The following POU2AF2 variants were observed in gnomAD, a reference collection of about 807,000 sequenced individuals.
The protein encoded by POU2AF2 is POU class 2 homeobox associating factor 2.
At chr11:111,285,840 C>A in the POU2AF2 span, 2 of 1,609,774 alleles carry the variant, frequency 1.2e-6, no homozygotes, top group Non-Finnish European at 1.7e-6. Context: ...TCGCTGCATG[C>A]TCTGGAAGAT....
chr11:111,284,284 G>C, the POU2AF2 span: 1 of 1,613,774 alleles, frequency 6.2e-7, no homozygotes. Flanking sequence ...GGCCTCCGGC[G>C]CTGACGCCCA....
At chr11:111,260,975 C>T in the POU2AF2 span, among the ~76,000 whole-genome samples, 1 of 152,186 alleles carries the variant, frequency 6.6e-6, no homozygotes, top group East Asian at 1.9e-4. Context: ...CCCTCATGAA[C>T]ATCTGTTTTT....
the POU2AF2 span, chr11:111,286,042 C>T: frequency 6.2e-7 from 1 of 1,611,382 alleles, no homozygotes; most frequent in South Asian, 1.1e-5. Context: ...ATGAATGCCG[C>T]AGAGCTTATT....
chr11:111,252,376 G>A, the POU2AF2 span, among the ~76,000 whole-genome samples: 1 of 152,122 alleles, frequency 6.6e-6, no homozygotes, highest in African/African-American at 2.4e-5. Context: ...TTTGGAGTAG[G>A]GTCGGCGAAT....
At chr11:111,247,877 C>CTT in the POU2AF2 span, among the ~76,000 whole-genome samples, 1 of 111,462 alleles carries the variant, frequency 9.0e-6, no homozygotes, top group African/African-American at 3.4e-5. Flanking sequence ...CTATAAGTGG[C>CTT]CTTTTTTTTT....
chr11:111,273,829 G>C, the POU2AF2 span, among the ~76,000 whole-genome samples: 1 of 152,190 alleles, frequency 6.6e-6, no homozygotes, highest in South Asian at 2.1e-4. Flanking sequence ...GCAGCTGTGA[G>C]CCTGCCGTGT....
At chr11:111,261,410 T>C in the POU2AF2 span, among the ~76,000 whole-genome samples, 1 of 152,228 alleles carries the variant, frequency 6.6e-6, no homozygotes. Context: ...CTCTTTATTA[T>C]ATGTAGAAAA....
chr11:111,266,753 C>T, the POU2AF2 span, among the ~76,000 whole-genome samples: 5 of 152,186 alleles, frequency 3.3e-5, no homozygotes, highest in Admixed American at 3.3e-4. Flanking sequence ...ACAAGCATGG[C>T]AGCTTTCAGA....
At chr11:111,276,453 A>AAAAAAAAAAAAT in the POU2AF2 span, among the ~76,000 whole-genome samples, 1 of 37,674 alleles carries the variant, frequency 2.7e-5, no homozygotes, top group African/African-American at 9.6e-5. Flanking sequence ...AAAAAAAAAA[A>AAAAAAAAAAAAT]ATATATATAT....
the POU2AF2 span, chr11:111,286,051 T>C: frequency 6.2e-7 from 1 of 1,607,140 alleles, no homozygotes; most frequent in Non-Finnish European, 8.5e-7. Flanking sequence ...GCAGAGCTTA[T>C]TGAGGGGAGG....
the POU2AF2 span, among the ~76,000 whole-genome samples, chr11:111,276,583 C>G: frequency 0.055 from 7,877 of 143,364 alleles, 702 homozygotes; most frequent in African/African-American, 0.19. Context: ...CGGAGGTTGC[C>G]GTGAGCTGAG....
the POU2AF2 span, among the ~76,000 whole-genome samples, chr11:111,246,759 T>C: frequency 0.24 from 36,886 of 152,066 alleles, 4,764 homozygotes; most frequent in East Asian, 0.41. Context: ...ATAGTAAAGA[T>C]GGTTACTATA....
the POU2AF2 span, chr11:111,286,206 C>A: frequency 1.3e-6 from 1 of 786,932 alleles, no homozygotes; most frequent in Non-Finnish European, 1.9e-6. Flanking sequence ...TTGTAATCCT[C>A]TCCACTGTAA....
the POU2AF2 span, chr11:111,286,196 T>A: frequency 1.1e-6 from 1 of 892,464 alleles, no homozygotes; most frequent in South Asian, 2.0e-5. Flanking sequence ...GGGCATTTAT[T>A]TGTAATCCTC....
the POU2AF2 span, among the ~76,000 whole-genome samples, chr11:111,264,716 A>T: frequency 6.7e-6 from 1 of 149,652 alleles, no homozygotes; most frequent in African/African-American, 2.5e-5. Context: ...AAGAAGAAGA[A>T]GAGAAAGAAA....
At chr11:111,260,514 G>C in the POU2AF2 span, among the ~76,000 whole-genome samples, 1 of 152,138 alleles carries the variant, frequency 6.6e-6, no homozygotes, top group African/African-American at 2.4e-5. Flanking sequence ...CTCACAAGGG[G>C]GAGTTTTGAG....
chr11:111,268,903 T>C, the POU2AF2 span, among the ~76,000 whole-genome samples: 2 of 152,098 alleles, frequency 1.3e-5, no homozygotes, highest in African/African-American at 4.8e-5. Context: ...TTATCTTTAT[T>C]TTTCTTAAAT....
the POU2AF2 span, among the ~76,000 whole-genome samples, chr11:111,283,638 A>C: frequency 2.0e-5 from 3 of 152,156 alleles, no homozygotes; most frequent in Non-Finnish European, 2.9e-5. Flanking sequence ...GTGTTACCTT[A>C]TCCAGACATA....
the POU2AF2 span, among the ~76,000 whole-genome samples, chr11:111,279,037 G>A: frequency 9.8e-4 from 149 of 152,216 alleles, 1 homozygote; most frequent in Admixed American, 6.9e-3. Flanking sequence ...AAAAGAGCTC[G>A]GATTCAATGA....
Sources: allele counts gnomAD v4.1 joint callset (sites outside exome capture counted in the v4.1 genomes callset), GRCh38; gene constraint gnomAD v4.1.1; transcripts MANE v1.5; gene names NCBI Gene and HGNC (gene_info 2026-07-23, HGNC 2026-07-21).